SHROOM2: variants seen among roughly 807,000 people sequenced by gnomAD.
SHROOM2 encodes the protein shroom family member 2, also known as protein Shroom2.
Under a neutral mutation model 75.9 loss-of-function variants are expected in SHROOM2, and 33 were observed. The ratio of observed to expected loss-of-function variants is 0.43; its 90% CI spans 0.33 to 0.58. SHROOM2 has a LOEUF of 0.58. Ranked by LOEUF, SHROOM2 falls within the 20% of genes least tolerant of loss-of-function variation. The pLI, the probability that SHROOM2 is intolerant of heterozygous loss-of-function variation, is 0.04. For synonymous variants in SHROOM2, 655 were observed against 663.6 expected (o/e 0.99, Z 0.20); for missense variants, 1,434 against 1,461.2 (o/e 0.98, Z 0.30).
intron 1 of SHROOM2, among the ~76,000 whole-genome samples, chrX:9,849,113 T>C (rs939831607): frequency 8.9e-6 from 1 of 111,954 alleles, no homozygotes; most frequent in Non-Finnish European, 1.9e-5. Flanking sequence ...ATCTATAGTC[T>C]GGAGCATCCC....
intron 1 of SHROOM2, among the ~76,000 whole-genome samples, chrX:9,812,332 C>T (rs1286094395): frequency 8.9e-6 from 1 of 111,799 alleles, no homozygotes; most frequent in Non-Finnish European, 1.9e-5. Flanking sequence ...GAGCCTTCTC[C>T]AGTTCTGGAC....
chrX:9,932,519 A>G lies in SHROOM2; in HGVS notation c.3236A>G (p.Asp1079Gly). ...GAGCCCAGGAGATACAGGGCCACAG[A>G]CGGCGCACCTGCTGACGCCCCCGTG... ...KREPRRYRATDGAPADAPVGV... is the reference protein window; with the variant it reads ...KREPRRYRATGGAPADAPVGV... Residue 1079 changes from aspartate to glycine, a missense_variant, in exon 6 of 10, where the codon GAC (aspartate) becomes GGC (glycine). Transcript: ENST00000380913. The G allele has an allele frequency of 8.3e-7, 1 of 1,210,371 alleles. No homozygotes were observed. The highest frequency in any genetic ancestry group is 1.1e-6 in the Non-Finnish European group (1 of 894,922).
In SHROOM2 at chrX:9,937,617, C is replaced by T; in HGVS notation, c.4071C>T (p.Leu1357=). The stretch of plus-strand genomic sequence containing the variant: ...GCATCTTCCCCAAAGACGAGCACCT[C>T]CTGGAAGAAGCCCAGCAACGGAGGA... The part of the protein sequence containing the change: ...MEGIFPKDEH[L]LEEAQQRRKL... Residue 1357 remains leucine, a synonymous_variant, in exon 7 of 10, where the codon CTC becomes CTT. Coordinates refer to ENST00000380913, the MANE Select transcript of SHROOM2 (RefSeq NM_001649.4). 5 of 1,210,545 alleles carry T rather than the reference C, an allele frequency of 4.1e-6. No homozygotes were observed. The highest frequency in any genetic ancestry group is 5.6e-6 in the Non-Finnish European group (5 of 894,960).
At chrX:9,883,109 A>G (rs1601964422) in intron 2 of SHROOM2, among the ~76,000 whole-genome samples, 1 of 112,389 alleles carries the variant, frequency 8.9e-6, no homozygotes, top group East Asian at 2.8e-4. Flanking sequence ...GTATGTGAGA[A>G]GCACTCCCAC....
In SHROOM2 at chrX:9,855,578, G is replaced by C. The variant is rs927419316; in HGVS notation, c.166-18074G>C. 2.7e-5 allele frequency among the ~76,000 whole-genome samples: 3 copies of C among 111,176 alleles called. No homozygotes were observed. The South Asian group carries it at 1.1e-3, about 41-fold the overall frequency. ...AGATAGATAGATAGATATTGCATCA[G>C]ATTTTGTCCCTAAAAGGACTGAGTA... is the stretch of plus-strand genomic sequence containing the variant. On this transcript the variant is annotated intron_variant, in intron 1 of 9. Transcript: ENST00000380913.
intron 1 of SHROOM2, among the ~76,000 whole-genome samples, chrX:9,871,471 C>T (rs145132265): frequency 0.011 from 1,265 of 111,657 alleles, 12 homozygotes; most frequent in Middle Eastern, 0.018. Flanking sequence ...ACCCAGTCTC[C>T]CCCAGGTATC....
intron 5 of SHROOM2, among the ~76,000 whole-genome samples, chrX:9,919,700 CAG>C (rs2084525226): frequency 9.0e-6 from 1 of 110,963 alleles, no homozygotes; most frequent in South Asian, 3.7e-4. Flanking sequence ...CGAATCAAAA[CAG>C]AGATTTGGGA....
intron 1 of SHROOM2, among the ~76,000 whole-genome samples, chrX:9,849,975 T>C (rs1569149354): frequency 8.9e-6 from 1 of 112,222 alleles, no homozygotes. Context: ...GATACTGTTT[T>C]GGTGGGGAGG....
At chrX:9,799,060 A>G (rs778436884) in intron 1 of SHROOM2, among the ~76,000 whole-genome samples, 3 of 108,627 alleles carry the variant, frequency 2.8e-5, no homozygotes, top group African/African-American at 6.8e-5. Flanking sequence ...ACCACTATTC[A>G]TGGTTGTGAA....
chrX:9,918,297 C>T lies in SHROOM2; in HGVS notation c.2892-13878C>T, dbSNP rs754511992. ...TATAGAAATTGTCCTAGCCAGTTTACACTCCTAAAACAAATTACCATAGAC... is the reference window on the plus strand; with the variant it reads ...TATAGAAATTGTCCTAGCCAGTTTATACTCCTAAAACAAATTACCATAGAC... On this transcript the variant is annotated intron_variant, in intron 5 of 9. Transcript: ENST00000380913. Among the ~76,000 whole-genome samples the T allele has an allele frequency of 4.5e-5, 5 of 112,189 alleles. No homozygotes were observed. In the East Asian group the frequency reaches 8.4e-4, roughly 19 times the overall value.
At chrX:9,911,274 G>A (rs1285150544) in intron 5 of SHROOM2, among the ~76,000 whole-genome samples, 1 of 111,763 alleles carries the variant, frequency 8.9e-6, no homozygotes, top group African/African-American at 3.3e-5. Context: ...GATATGCAGA[G>A]CAACCTTGCT....
intron 1 of SHROOM2, among the ~76,000 whole-genome samples, chrX:9,857,977 C>T (rs954777395): frequency 2.7e-5 from 3 of 111,176 alleles, no homozygotes; most frequent in Non-Finnish European, 5.7e-5. Context: ...CCACTTGCAG[C>T]GGCCCCTCCC....
At chrX:9,914,677 G>C (rs1000071771) in intron 5 of SHROOM2, among the ~76,000 whole-genome samples, 7 of 111,807 alleles carry the variant, frequency 6.3e-5, no homozygotes, top group Non-Finnish European at 1.3e-4. Flanking sequence ...ATTCCTGAAA[G>C]TTCACAGTGC....
intron 1 of SHROOM2, among the ~76,000 whole-genome samples, chrX:9,808,653 G>T (rs1439244036): frequency 9.0e-6 from 1 of 110,913 alleles, no homozygotes; most frequent in East Asian, 2.8e-4. Context: ...CCTGAGGTCA[G>T]GAGTTCGAGA....
intron 1 of SHROOM2, among the ~76,000 whole-genome samples, chrX:9,851,575 G>T (rs1487161875): frequency 9.8e-6 from 1 of 102,174 alleles, no homozygotes; most frequent in Non-Finnish European, 2.0e-5. Flanking sequence ...TCCTACCTCA[G>T]CCTCCTGTGT....
At chrX:9,807,403 T>C (rs1425831934) in intron 1 of SHROOM2, among the ~76,000 whole-genome samples, 2 of 112,114 alleles carry the variant, frequency 1.8e-5, no homozygotes, top group Non-Finnish European at 3.8e-5. Context: ...GGGGGCTGTT[T>C]CCATGAGCCT....
rs1203158888 is a variant in SHROOM2 at position 9,804,172 on chromosome X, A to G, written c.165+17462A>G. Among the ~76,000 whole-genome samples the G allele has an allele frequency of 4.5e-5, 5 of 111,076 alleles. No homozygotes were observed. The East Asian group carries it at 1.4e-3, about 32-fold the overall frequency. ...ACTCCCCAGTGGATGAGGTCTTTGG[A>G]GAGGTGGAGGCTGAAGGAGCATGGC... On this transcript the variant is annotated intron_variant, in intron 1 of 9. Transcript: ENST00000380913.
Position 9,909,579 on chromosome X carries a change from T to C in SHROOM2, c.2891+11289T>C, listed in dbSNP as rs187579382. Among the ~76,000 whole-genome samples, 11 of 112,240 alleles carry C rather than the reference T, an allele frequency of 9.8e-5. No homozygotes were observed. In the East Asian group the frequency reaches 2.8e-3, roughly 29 times the overall value. On this transcript the variant is annotated intron_variant, in intron 5 of 9. Transcript: ENST00000380913. ...GGCCAACGTTGACAGGTAAGTCACATTGACAGCATGCCCCTTGATATCATA... is the reference window on the plus strand; with the variant it reads ...GGCCAACGTTGACAGGTAAGTCACACTGACAGCATGCCCCTTGATATCATA...
Position 9,898,495 on chromosome X carries a change from T to A in SHROOM2, c.2891+205T>A, listed in dbSNP as rs184866358. Among the ~76,000 whole-genome samples, 24 of 112,699 alleles carry A rather than the reference T, an allele frequency of 2.1e-4. 1 individual carries two copies. In the East Asian group the frequency reaches 6.8e-3, roughly 32 times the overall value. On this transcript the variant is annotated intron_variant, in intron 5 of 9. Transcript: ENST00000380913. ...CCCTGCAGCCCTGCCTGGAGACACA[T>A]CCCAGGGCGGGGAGGCCTTCTTACA...
Sources: gnomAD v4.1 joint callset for allele counts (sites outside exome capture counted in the v4.1 genomes callset) on GRCh38, gnomAD v4.1.1 for gene constraint, MANE v1.5 for transcripts, NCBI Gene and HGNC (gene_info 2026-07-23, HGNC 2026-07-21) for gene names.